The following MLXIP variants were observed in gnomAD, a reference collection of about 807,000 sequenced individuals.
The protein encoded by MLXIP is MLX-interacting protein.
A neutral mutation model predicts 87.2 loss-of-function variants in MLXIP; 30 were observed. The observed-to-expected ratio is 0.34, with a 90% CI of 0.26 to 0.47. The LOEUF is 0.47. Ranked by LOEUF, MLXIP falls within the 20% of genes least tolerant of loss-of-function variation. The pLI is 1.00. For missense variants in MLXIP, 1,002 were observed against 1,240.1 expected (o/e 0.81, Z 2.88); for synonymous variants, 530 against 514.0 (o/e 1.03, Z -0.42).
rs757642194 is a variant in MLXIP, at chr12:122,133,595, C to T, written c.1340C>T (p.Ser447Phe). The T allele has an allele frequency of 6.2e-7, 1 of 1,609,082 alleles. No individual in the cohort carries two copies. Among genetic ancestry groups the T allele is most frequent in the South Asian group, 1.1e-5 (1 of 90,242 alleles). Residue 447 changes from serine to phenylalanine, a missense_variant, in exon 9 of 17, where the codon TCC becomes TTC. This residue lies in a region of MLXIP where 746 missense variants were observed against 897.0 expected (regional missense o/e 0.83). Transcript: ENST00000319080. The surrounding 1 kb of genome is among the most constrained non-coding windows in gnomAD (Gnocchi z 4.9). Reference protein sequence around the residue: ...LSPSPAPPPISPVLPLVPPPA... With the variant: ...LSPSPAPPPIFPVLPLVPPPA... ...CCCAGCCCCGCCCCACCGCCCATCT[C>T]CCCCGTGTTACCATTAGTTCCTCCT...
At chr12:122,112,850 T>G (rs1287193459) in intron 1 of MLXIP, among the ~76,000 whole-genome samples, 3 of 152,166 alleles carry the variant, frequency 2.0e-5, no homozygotes, top group Non-Finnish European at 1.5e-5. Flanking sequence ...AAATCCTAGT[T>G]GGCTTTATTG....
intron 1 of MLXIP, among the ~76,000 whole-genome samples, chr12:122,094,986 ATG>A (rs1952327729): frequency 1.3e-5 from 1 of 77,292 alleles, no homozygotes; most frequent in South Asian, 4.8e-4. Context: ...GTGTGGGGGT[ATG>A]TGTGTGCGGT....
chr12:122,078,991 G>T lies in MLXIP; in HGVS notation c.138G>T (p.Ala46=). The part of the protein sequence containing the change: ...DEPSPPPASG[A]ATPARAHASA... ...CGTCCCCGCCGCCCGCCTCCGGCGCGGCCACCCCGGCCCGGGCCCACGCGA... is the reference window on the plus strand; with the variant it reads ...CGTCCCCGCCGCCCGCCTCCGGCGCTGCCACCCCGGCCCGGGCCCACGCGA... The change falls in exon 1 of 17, where the codon GCG becomes GCT. Residue 46 remains alanine (A), a synonymous_variant. Coordinates refer to ENST00000319080, the MANE Select transcript of MLXIP (RefSeq NM_014938.6). 2 of 1,100,732 alleles carry T rather than the reference G, an allele frequency of 1.8e-6. No individual in the cohort carries two copies. Among genetic ancestry groups the T allele is most frequent in the Non-Finnish European group, 2.2e-6 (2 of 903,080 alleles). 68.2% of individuals were successfully genotyped at this position (1,100,732 alleles called of 1,614,324 possible).
rs555860904 is a variant in MLXIP at position 122,133,202 on chromosome 12, A to T, written c.1093-146A>T. The T allele has an allele frequency of 4.8e-6, 4 of 831,324 alleles. No homozygotes were observed. In the East Asian group the frequency reaches 8.1e-5, roughly 17 times the overall value. 51.5% of individuals were successfully genotyped at this position (831,324 alleles called of 1,614,324 possible). ...ACGCAGGGAAACACAAATCCCTATC[A>T]GATCAGCAGCCATGGACGTGGAGAC... On this transcript the variant is annotated intron_variant, in intron 8 of 16. Coordinates refer to ENST00000319080, the MANE Select transcript of MLXIP (RefSeq NM_014938.6). This position sits in a 1 kb window ranked among gnomAD's most constrained non-coding sequence, Gnocchi z 4.9.
chr12:122,117,871 A>G (rs1039928758), intron 1 of MLXIP, among the ~76,000 whole-genome samples: 1 of 152,228 alleles, frequency 6.6e-6, no homozygotes, highest in African/African-American at 2.4e-5. Flanking sequence ...ACATAGAGCA[A>G]TTATGACAAT....
At position 122,137,672 on chromosome 12, in the gene MLXIP, G is replaced by C. The variant is rs918901909; in HGVS notation, c.2154+82G>C. The C allele has an allele frequency of 1.9e-6, 3 of 1,570,866 alleles. No individual in the cohort carries two copies. In the Admixed American group the frequency reaches 5.3e-5, roughly 28 times the overall value. The stretch of plus-strand genomic sequence containing the variant: ...CAAGGATCTGTGTCTTGTCTGGAAC[G>C]GAGACCTCAGACCCAGCCAGAGCTG... On this transcript the variant is annotated intron_variant, in intron 12 of 16. Transcript: ENST00000319080. This position sits in a 1 kb window ranked among gnomAD's most constrained non-coding sequence, Gnocchi z 4.1.
Position 122,133,090 on chromosome 12 carries a change from C to T in MLXIP, c.1093-258C>T. On this transcript the variant is annotated intron_variant, in intron 8 of 16. Transcript: ENST00000319080. This position sits in a 1 kb window ranked among gnomAD's most constrained non-coding sequence, Gnocchi z 4.9. Reference sequence around the variant, plus strand: ...CTGGACTCCAGAAACAAGATATTCCCAGGCTGCTAGCCAGCTGTGTGAGGG... The same window carrying T: ...CTGGACTCCAGAAACAAGATATTCCTAGGCTGCTAGCCAGCTGTGTGAGGG... The T allele has an allele frequency of 4.8e-6, 2 of 414,586 alleles. No homozygotes were observed. The highest frequency in any genetic ancestry group is 8.5e-6 in the Non-Finnish European group (2 of 234,578). 25.7% of individuals were successfully genotyped at this position (414,586 alleles called of 1,614,324 possible).
chr12:122,099,190 T>G (rs1952399169), intron 1 of MLXIP, among the ~76,000 whole-genome samples: 1 of 152,170 alleles, frequency 6.6e-6, no homozygotes, highest in Non-Finnish European at 1.5e-5. Context: ...TGAACCATGA[T>G]CGTGCCACTG....
chr12:122,138,440 C>T lies in MLXIP; in HGVS notation c.2273C>T (p.Thr758Ile). 2 of 1,613,914 alleles carry T rather than the reference C, an allele frequency of 1.2e-6. No individual in the cohort carries two copies. Among genetic ancestry groups the T allele is most frequent in the Non-Finnish European group, 8.5e-7 (1 of 1,179,894 alleles). The change falls in exon 14 of 17, where the codon ACA becomes ATA. Residue 758 changes from threonine (T) to isoleucine (I), a missense_variant. By Grantham distance (89) the Thr-to-Ile change is moderately conservative. Around this residue, in one of 3 missense-constraint regions of MLXIP, gnomAD observed 746 missense variants for 897.0 expected, o/e 0.83. Coordinates refer to ENST00000319080, the MANE Select transcript of MLXIP (RefSeq NM_014938.6). ...CTTCTGCAGACCAGTCACGCCATCA[C>T]ACTGCAGAAGACTGTGGAGTACATC... is the stretch of plus-strand genomic sequence containing the variant. ...NNSKLTSHAI[T>I]LQKTVEYITK... is the part of the protein sequence containing the mutation.
Position 122,127,835 on chromosome 12 carries a change from C to T in MLXIP, c.521-48C>T, listed in dbSNP as rs770077141. 24 of 1,539,194 alleles carry T rather than the reference C, an allele frequency of 1.6e-5. No individual in the cohort carries two copies. In the Middle Eastern group the frequency reaches 8.4e-4, roughly 54 times the overall value. Reference sequence around the variant, plus strand: ...GGTGCAGCAGACAGGCTGGGGCTCCCTCAGGGGTCTGGATCATGGTGCTGA... The same window carrying T: ...GGTGCAGCAGACAGGCTGGGGCTCCTTCAGGGGTCTGGATCATGGTGCTGA... On this transcript the variant is annotated intron_variant, in intron 2 of 16. Coordinates refer to ENST00000319080, the MANE Select transcript of MLXIP (RefSeq NM_014938.6).
intron 1 of MLXIP, among the ~76,000 whole-genome samples, chr12:122,086,328 A>G (rs932897236): frequency 1.3e-5 from 2 of 152,146 alleles, no homozygotes; most frequent in African/African-American, 4.8e-5. Context: ...AGGAGAGCAG[A>G]GGAGCCCACC....
rs4758685 is a variant in MLXIP, at chr12:122,142,295, G to A, written c.*483G>A. 346,072 of 678,450 alleles carry A rather than the reference G, an allele frequency of 0.51. 89,851 individuals are homozygous for A. Among genetic ancestry groups the A allele is most frequent in the Admixed American group, 0.58 (28,700 of 49,212 alleles). 42.0% of individuals were successfully genotyped at this position (678,450 alleles called of 1,614,324 possible). ...TCTGCCCGTGGGGCAGTTGGAAGGC[G>A]TCTTTCTTTCTCCCCTCAACTCTGA... On this transcript the variant is annotated 3_prime_UTR_variant, in exon 17 of 17. Transcript: ENST00000319080.
At chr12:122,087,773 C>G (rs1952189830) in intron 1 of MLXIP, among the ~76,000 whole-genome samples, 1 of 152,086 alleles carries the variant, frequency 6.6e-6, no homozygotes, top group Admixed American at 6.5e-5. Context: ...AGAGCAGGAG[C>G]GAGGCTACCA....
Position 122,137,698 on chromosome 12 carries a change from C to T in MLXIP, c.2154+108C>T. The T allele has an allele frequency of 6.6e-7, 1 of 1,519,700 alleles. No individual in the cohort carries two copies. Among genetic ancestry groups the T allele is most frequent in the Non-Finnish European group, 8.9e-7 (1 of 1,120,856 alleles). 94.1% of individuals were successfully genotyped at this position (1,519,700 alleles called of 1,614,324 possible). A position where few individuals can be genotyped will look rare whatever the true frequency, so the allele number is the denominator to read the frequency against. On this transcript the variant is annotated intron_variant, in intron 12 of 16. Coordinates refer to ENST00000319080, the MANE Select transcript of MLXIP (RefSeq NM_014938.6). The surrounding 1 kb of genome is among the most constrained non-coding windows in gnomAD (Gnocchi z 4.1). The stretch of plus-strand genomic sequence containing the variant: ...GAGACCTCAGACCCAGCCAGAGCTG[C>T]CCAGGCAGGGGTGGATCAGAAATGG...
intron 3 of MLXIP, chr12:122,128,181 A>G: frequency 1.8e-6 from 1 of 545,018 alleles, no homozygotes; most frequent in Non-Finnish European, 3.3e-6. Flanking sequence ...GGACTGGCCC[A>G]GGGACTGAGG....
rs779187572 is a variant in MLXIP, at chr12:122,137,595, C to T, written c.2154+5C>T. 12 of 1,613,324 alleles carry T rather than the reference C, an allele frequency of 7.4e-6. No individual in the cohort carries two copies. Among genetic ancestry groups the T allele is most frequent in the African/African-American group, 2.7e-5 (2 of 74,934 alleles). On this transcript the variant is annotated splice_donor_5th_base_variant and intron_variant, in intron 12 of 16. Coordinates refer to ENST00000319080, the MANE Select transcript of MLXIP (RefSeq NM_014938.6). The surrounding 1 kb of genome is among the most constrained non-coding windows in gnomAD (Gnocchi z 4.1). The stretch of plus-strand genomic sequence containing the variant: ...AAAAATGTGGCTGCACTAAAGGTAC[C>T]GCATGTCTCCTCTTGGTTCCCTTGG...
Position 122,138,552 on chromosome 12 carries a change from G to A in MLXIP, c.2384+1G>A. Reference sequence around the variant, plus strand: ...TCGAGGAGCTCAATGCCACCATCATGTGAGCTTCTGGGCCTTGGGGCTCCA... The same window carrying A: ...TCGAGGAGCTCAATGCCACCATCATATGAGCTTCTGGGCCTTGGGGCTCCA... On this transcript the variant is annotated splice_donor_variant, in intron 14 of 16. Transcript: ENST00000319080. LOFTEE classifies it high-confidence loss of function. 6.2e-7 allele frequency: 1 copy of A among 1,609,504 alleles called. No individual in the cohort carries two copies. Among genetic ancestry groups the A allele is most frequent in the Non-Finnish European group, 8.5e-7 (1 of 1,178,316 alleles).
At chr12:122,132,460 C>A in intron 8 of MLXIP, 77 bp downstream of exon 8, 1 of 1,172,982 alleles carries the variant, frequency 8.5e-7, no homozygotes, top group Non-Finnish European at 1.2e-6. Flanking sequence ...GCTGCCAGAG[C>A]AAGGCTAATG....
In MLXIP at chr12:122,141,927, T is replaced by C. The variant is rs1448506646; in HGVS notation, c.*115T>C. ...CTCAGCCTCGGGGCCTCTCTCCAAC[T>C]CTGCCGGCCCACCGTGGCATCGGGA... On this transcript the variant is annotated 3_prime_UTR_variant, in exon 17 of 17. Coordinates refer to ENST00000319080, the MANE Select transcript of MLXIP (RefSeq NM_014938.6). 2 of 1,485,534 alleles carry C rather than the reference T, an allele frequency of 1.3e-6. No homozygotes were observed. Among genetic ancestry groups the C allele is most frequent in the Non-Finnish European group, 1.8e-6 (2 of 1,106,176 alleles). The allele number at this position is 1,485,534 out of a possible 1,614,324, so 92.0% of individuals were successfully genotyped here.
Sources: allele counts gnomAD v4.1 joint callset (sites outside exome capture counted in the v4.1 genomes callset), GRCh38; gene constraint gnomAD v4.1.1; regional missense constraint gnomAD v4.1.1; non-coding constraint Gnocchi (gnomAD v3.1); transcripts MANE v1.5; gene names NCBI Gene and HGNC (gene_info 2026-07-23, HGNC 2026-07-21).